BFSP2: variants seen among roughly 807,000 people sequenced by gnomAD.
BFSP2 encodes phakinin.
In BFSP2, 38 loss-of-function variants were observed where a neutral mutation model predicts 44.9. The observed-to-expected ratio is 0.85, with a 90% CI of 0.65 to 1.11. BFSP2 has a LOEUF of 1.11. BFSP2 is among the 50% of genes least tolerant of loss of function. The pLI is 0.00. For missense variants in BFSP2, 525 were observed against 533.0 expected (o/e 0.99, Z 0.15); for synonymous variants, 197 against 209.9 (o/e 0.94, Z 0.53).
At chr3:133,439,639 G>A (rs548432210) in intron 1 of BFSP2, among the ~76,000 whole-genome samples, 12 of 152,326 alleles carry the variant, frequency 7.9e-5, no homozygotes, top group South Asian at 2.1e-4. Flanking sequence ...ATGACATGCC[G>A]AGGTAGCAGC....
chr3:133,406,951 G>A (rs370335712), intron 1 of BFSP2, among the ~76,000 whole-genome samples: 7 of 152,328 alleles, frequency 4.6e-5, no homozygotes, highest in African/African-American at 1.7e-4. Flanking sequence ...GCAAATGCCT[G>A]TAATCCAAGT....
At chr3:133,414,389 G>C (rs1379505309) in intron 1 of BFSP2, among the ~76,000 whole-genome samples, 3 of 23,046 alleles carry the variant, frequency 1.3e-4, no homozygotes, top group Non-Finnish European at 7.7e-5. Context: ...TACCCCTGCC[G>C]TCTCTACTCA....
chr3:133,402,417 A>C (rs2073369337), intron 1 of BFSP2, among the ~76,000 whole-genome samples: 1 of 152,166 alleles, frequency 6.6e-6, no homozygotes, highest in Non-Finnish European at 1.5e-5. Flanking sequence ...GCTTACAGGT[A>C]GAGTACAGAC....
At chr3:133,430,206 T>C (rs1489203177) in intron 1 of BFSP2, among the ~76,000 whole-genome samples, 19 of 151,982 alleles carry the variant, frequency 1.3e-4, no homozygotes, top group African/African-American at 1.9e-4. Flanking sequence ...AATAGTGCCG[T>C]AATAAACATA....
intron 4 of BFSP2, among the ~76,000 whole-genome samples, chr3:133,463,708 C>T (rs764155871): frequency 1.3e-5 from 2 of 152,192 alleles, no homozygotes; most frequent in Non-Finnish European, 2.9e-5. Flanking sequence ...TTGCTGATCA[C>T]CAGTTTCAGG....
intron 5 of BFSP2, among the ~76,000 whole-genome samples, chr3:133,467,989 C>T (rs561682817): frequency 1.6e-3 from 243 of 152,312 alleles, no homozygotes; most frequent in African/African-American, 5.3e-3. Context: ...ACCACAGTTT[C>T]CTCTTCTGCA....
At chr3:133,436,418 G>A (rs541675261) in intron 1 of BFSP2, among the ~76,000 whole-genome samples, 1 of 151,566 alleles carries the variant, frequency 6.6e-6, no homozygotes, top group African/African-American at 2.4e-5. Context: ...CTATATGATA[G>A]GTTATGACTT....
intron 1 of BFSP2, among the ~76,000 whole-genome samples, chr3:133,424,222 T>TGTGTGTGTG (rs1553778829): frequency 2.7e-4 from 29 of 108,990 alleles, no homozygotes; most frequent in East Asian, 1.4e-3. Flanking sequence ...ATTTTTTTTT[T>TGTGTGTGTG]TTTTTTTTTT....
intron 4 of BFSP2, among the ~76,000 whole-genome samples, chr3:133,464,181 A>C (rs1438307326): frequency 6.6e-6 from 1 of 152,232 alleles, no homozygotes; most frequent in Non-Finnish European, 1.5e-5. Context: ...AGAACTTGGA[A>C]GACAAGGAGT....
intron 1 of BFSP2, among the ~76,000 whole-genome samples, chr3:133,409,556 G>A (rs2073431601): frequency 6.6e-6 from 1 of 152,100 alleles, no homozygotes; most frequent in African/African-American, 2.4e-5. Context: ...AAAAGAATGG[G>A]GGGCTCCTTG....
Position 133,448,583 on chromosome 3 carries a change from C to G in BFSP2, c.667C>G (p.Leu223Val), listed in dbSNP as rs199755934. The part of the protein sequence containing the change: ...IDEANLTKMD[L>V]ESQIESLKEE... ...TGAGGCTAATTTGACTAAAATGGAC[C>G]TGGAGAGTCAAATAGAAAGTCTGAA... The change falls in exon 3 of 7, where the codon CTG becomes GTG. Residue 223 changes from leucine (L) to valine (V), a missense_variant. Physicochemically the swap from Leu to Val is conservative, Grantham distance 32. Transcript: ENST00000302334. 1.0e-4 allele frequency: 164 copies of G among 1,613,998 alleles called. 3 individuals are homozygous for G. In the Admixed American group the frequency reaches 2.6e-3, roughly 25 times the overall value.
chr3:133,451,330 TGAG>T (rs2107927478), intron 4 of BFSP2, among the ~76,000 whole-genome samples: 1 of 152,216 alleles, frequency 6.6e-6, no homozygotes, highest in South Asian at 2.1e-4. Context: ...TGAGGTAAAA[TGAG>T]GAGAAAATGA....
chr3:133,420,655 C>T (rs1269591639), intron 1 of BFSP2, among the ~76,000 whole-genome samples: 1 of 152,228 alleles, frequency 6.6e-6, no homozygotes, highest in Non-Finnish European at 1.5e-5. Flanking sequence ...TCAGCCTCCT[C>T]CTCCACAGTA....
In BFSP2 at chr3:133,405,085, C is replaced by G. The variant is rs369352928; in HGVS notation, c.489+4513C>G. ...CTTGGAATAAGGCAGCCTTGTGCCT[C>G]GGAGCTGCAGATGAAAGGAGAGTGG... On this transcript the variant is annotated intron_variant, in intron 1 of 6. Transcript: ENST00000302334. Among the ~76,000 whole-genome samples the G allele has an allele frequency of 2.0e-3, 312 of 152,272 alleles. 1 individual carries two copies. Among genetic ancestry groups the G allele is most frequent in the Admixed American group, 3.6e-3 (55 of 15,296 alleles).
intron 4 of BFSP2, among the ~76,000 whole-genome samples, chr3:133,452,030 C>T (rs950865753): frequency 3.9e-5 from 6 of 152,300 alleles, no homozygotes; most frequent in Non-Finnish European, 5.9e-5. Flanking sequence ...ATCCTGGCTA[C>T]GCAGCAGAAT....
In BFSP2 at chr3:133,414,649, G is replaced by A. The variant is rs193204202; in HGVS notation, c.489+14077G>A. Among the ~76,000 whole-genome samples, 6 of 41,830 alleles carry A rather than the reference G, an allele frequency of 1.4e-4. No individual in the cohort carries two copies. In the East Asian group the frequency reaches 2.3e-3, roughly 16 times the overall value. The allele number at this position is 41,830 out of a possible 152,430, so 27.4% of individuals were successfully genotyped here. A position where few individuals can be genotyped will look rare whatever the true frequency, so the allele number is the denominator to read the frequency against. ...GTCTCTACTCACCCCTCTACTCACC[G>A]CTGTCTCACTCCCCTCTACTCACTC... On this transcript the variant is annotated intron_variant, in intron 1 of 6. Coordinates refer to ENST00000302334, the MANE Select transcript of BFSP2 (RefSeq NM_003571.4).
intron 4 of BFSP2, among the ~76,000 whole-genome samples, chr3:133,463,798 C>T (rs1191929979): frequency 6.6e-6 from 1 of 152,154 alleles, no homozygotes; most frequent in Non-Finnish European, 1.5e-5. Flanking sequence ...TAACAACCAC[C>T]TGACCATCAC....
chr3:133,472,649 A>G (rs1045374831), intron 6 of BFSP2, 84 bp downstream of exon 6: 18 of 1,509,340 alleles, frequency 1.2e-5, no homozygotes, highest in South Asian at 1.1e-4. Flanking sequence ...CTGTAGAAGT[A>G]TTTAAGAAGA....
chr3:133,412,963 G>A (rs1025736808), intron 1 of BFSP2, among the ~76,000 whole-genome samples: 1 of 152,290 alleles, frequency 6.6e-6, no homozygotes, highest in Middle Eastern at 3.4e-3. Flanking sequence ...CGTGGAGCTG[G>A]CGCCAGAATG....
Sources: gnomAD v4.1 joint callset for allele counts (sites outside exome capture counted in the v4.1 genomes callset) on GRCh38, gnomAD v4.1.1 for gene constraint, MANE v1.5 for transcripts, NCBI Gene and HGNC (gene_info 2026-07-23, HGNC 2026-07-21) for gene names.